The following NARS2 variants were observed in gnomAD, a reference collection of about 807,000 sequenced individuals.
The protein encoded by NARS2 is asparaginyl-tRNA synthetase.
Under a neutral mutation model 62.9 loss-of-function variants are expected in NARS2, and 60 were observed. The observed-to-expected ratio is 0.95, with a 90% CI of 0.77 to 1.18. The LOEUF (loss-of-function observed/expected upper bound fraction) is 1.18, where lower values mean the gene tolerates loss of function less well. Among genes scored for constraint, NARS2 ranks in the 50% most tolerant of loss-of-function variants. The probability of loss-of-function intolerance (pLI) is 0.00; values close to 1 mark genes in which losing one functional copy is unlikely to be tolerated. For missense variants in NARS2, 619 were observed against 576.4 expected (o/e 1.07, Z -0.76); for synonymous variants, 196 against 200.0 (o/e 0.98, Z 0.17).
At chr11:78,532,573 AAGAC>A (rs995977148) in intron 5 of NARS2, among the ~76,000 whole-genome samples, 2 of 152,230 alleles carry the variant, frequency 1.3e-5, no homozygotes, top group African/African-American at 4.8e-5. Flanking sequence ...GATTGATTGT[AAGAC>A]CTAGCTCATA....
intron 5 of NARS2, among the ~76,000 whole-genome samples, chr11:78,542,003 A>C (rs1855639595): frequency 6.6e-6 from 1 of 152,204 alleles, no homozygotes; most frequent in South Asian, 2.1e-4. Flanking sequence ...AAAAATTTCC[A>C]ATAAGTCCAG....
chr11:78,574,264 C>T, intron 1 of NARS2, 84 bp downstream of exon 1: 1 of 1,569,246 alleles, frequency 6.4e-7, no homozygotes, highest in Admixed American at 1.7e-5. Context: ...TGTGTCTGAC[C>T]CGACTGTAAA....
chr11:78,450,889 G>A lies in NARS2; in HGVS notation c.1165-7131C>T, dbSNP rs1321595358. 3.5e-5 allele frequency among the ~76,000 whole-genome samples: 5 copies of A among 143,456 alleles called. No individual in the cohort carries two copies. The East Asian group carries it at 9.2e-4, about 27-fold the overall frequency. 94.1% of individuals were successfully genotyped at this position (143,456 alleles called of 152,430 possible). On this transcript the variant is annotated intron_variant, in intron 11 of 13. Transcript: ENST00000281038. ...TAGAGATGGGGTTTCACCATGTTGGGCAGGCAGGCCTCTAACTCCTGACCT... is the reference window on the plus strand; with the variant it reads ...TAGAGATGGGGTTTCACCATGTTGGACAGGCAGGCCTCTAACTCCTGACCT...
intron 11 of NARS2, among the ~76,000 whole-genome samples, chr11:78,455,990 A>C (rs1249513191): frequency 6.6e-6 from 1 of 152,062 alleles, no homozygotes; most frequent in Non-Finnish European, 1.5e-5. Flanking sequence ...AATCTTTGTT[A>C]ATCTTTTCTT....
At chr11:78,451,421 A>T (rs1857968445) in intron 11 of NARS2, among the ~76,000 whole-genome samples, 1 of 152,236 alleles carries the variant, frequency 6.6e-6, no homozygotes, top group African/African-American at 2.4e-5. Context: ...ACACACAGGC[A>T]ATTACACAAA....
chr11:78,484,754 G>C (rs879258055), intron 7 of NARS2, among the ~76,000 whole-genome samples: 8 of 152,300 alleles, frequency 5.3e-5, no homozygotes, highest in Admixed American at 5.2e-4. Context: ...GCAAGGCTGT[G>C]GAGAAACAGG....
chr11:78,505,269 T>TACACACAC (rs10533814), intron 6 of NARS2, among the ~76,000 whole-genome samples: 41 of 133,426 alleles, frequency 3.1e-4, no homozygotes, highest in African/African-American at 7.6e-4. Context: ...GAAAACAAAA[T>TACACACAC]ACACACACAC....
At chr11:78,437,962 G>A (rs1284799582) in intron 13 of NARS2, among the ~76,000 whole-genome samples, 7 of 110,530 alleles carry the variant, frequency 6.3e-5, no homozygotes, top group African/African-American at 2.2e-4. Context: ...GTGACAGAGT[G>A]AGATTCTGTA....
At chr11:78,445,645 ATT>A (rs1326933846) in intron 11 of NARS2, among the ~76,000 whole-genome samples, 2 of 152,074 alleles carry the variant, frequency 1.3e-5, no homozygotes, top group African/African-American at 4.8e-5. Context: ...AATTAAAAAA[ATT>A]TTTTTTAAAT....
At chr11:78,458,361 T>A (rs1341071465) in intron 11 of NARS2, among the ~76,000 whole-genome samples, 1 of 152,214 alleles carries the variant, frequency 6.6e-6, no homozygotes, top group Non-Finnish European at 1.5e-5. Context: ...TATCTACTTT[T>A]CTTATATTAC....
chr11:78,487,341 G>A (rs1215339812), intron 7 of NARS2, among the ~76,000 whole-genome samples: 2 of 145,474 alleles, frequency 1.4e-5, no homozygotes, highest in East Asian at 4.0e-4. Flanking sequence ...GGGCAACAGA[G>A]TGAGGCTCTG....
chr11:78,440,145 C>T (rs1857531889), intron 13 of NARS2, among the ~76,000 whole-genome samples: 1 of 152,190 alleles, frequency 6.6e-6, no homozygotes, highest in Non-Finnish European at 1.5e-5. Flanking sequence ...CTCATTGTAA[C>T]CTCCGCCTCC....
chr11:78,436,889 C>A, intron 13 of NARS2, 75 bp from the exon 14 acceptor site: 1 of 1,452,130 alleles, frequency 6.9e-7, no homozygotes, highest in South Asian at 1.2e-5. Flanking sequence ...TTTAATGTTT[C>A]AAACGTATTT....
chr11:78,472,083 T>C (rs1475767838), intron 9 of NARS2, among the ~76,000 whole-genome samples: 1 of 152,146 alleles, frequency 6.6e-6, no homozygotes, highest in Non-Finnish European at 1.5e-5. Context: ...TGTCTAAATA[T>C]CTCCTGTTAT....
At chr11:78,520,204 A>G (rs1474618316) in intron 6 of NARS2, among the ~76,000 whole-genome samples, 1 of 152,188 alleles carries the variant, frequency 6.6e-6, no homozygotes, top group African/African-American at 2.4e-5. Context: ...ACAAATCTGA[A>G]ATCAAAGTGC....
chr11:78,436,398 T>G lies in NARS2; in HGVS notation c.*272A>C, dbSNP rs1328100956. The G allele has an allele frequency of 2.9e-6, 1 of 339,816 alleles. No individual in the cohort carries two copies. The highest frequency in any genetic ancestry group is 2.1e-5 in the African/African-American group (1 of 47,420). 21.1% of individuals were successfully genotyped at this position (339,816 alleles called of 1,614,324 possible). A position where few individuals can be genotyped will look rare whatever the true frequency, so the allele number is the denominator to read the frequency against. The stretch of plus-strand genomic sequence containing the variant: ...TAGAGTTTAAAAGAAACTTTGAGAC[T>G]AATTCAATTTCTTCATTTCTTAATT... On this transcript the variant is annotated 3_prime_UTR_variant, in exon 14 of 14. Transcript: ENST00000281038.
intron 11 of NARS2, among the ~76,000 whole-genome samples, chr11:78,459,373 C>T (rs531412774): frequency 2.0e-5 from 3 of 151,032 alleles, no homozygotes; most frequent in South Asian, 2.1e-4. Context: ...CGGGTTCAAG[C>T]GATTCTCCTG....
In NARS2 at chr11:78,566,181, A is replaced by G. The variant is rs1489345432; in HGVS notation, c.464T>C (p.Ile155Thr). The change falls in exon 4 of 14, where the codon ATA becomes ACA. Residue 155 changes from isoleucine to threonine, a missense_variant. By Grantham distance (89) the Ile-to-Thr change is moderately conservative (BLOSUM62 -1). Transcript: ENST00000281038. ...FRCRTNVLGS[I>T]LRIRSEATAA... ...TGTCGCTTCACTGCGAATCCTCAAT[A>G]TAGAACCCAGAACGTTAGTCCTACA... The G allele has an allele frequency of 6.2e-7, 1 of 1,613,252 alleles. No homozygotes were observed. The highest frequency in any genetic ancestry group is 1.3e-5 in the African/African-American group (1 of 74,916).
In NARS2 at chr11:78,493,293, T is replaced by A. The variant is rs1480211292; in HGVS notation, c.690-98A>T. ...CTCTTACGGAAAATAAAGTTTTGTG[T>A]GCCTCTGTCTTGTCCACAGACTGAC... is the stretch of plus-strand genomic sequence containing the variant. On this transcript the variant is annotated intron_variant, in intron 6 of 13. Transcript: ENST00000281038. 4.4e-6 allele frequency: 5 copies of A among 1,138,064 alleles called. No homozygotes were observed. The Admixed American group carries it at 1.1e-4, about 26-fold the overall frequency. The allele number at this position is 1,138,064 out of a possible 1,614,324, so 70.5% of individuals were successfully genotyped here.
Sources: allele counts gnomAD v4.1 joint callset (sites outside exome capture counted in the v4.1 genomes callset), GRCh38; gene constraint gnomAD v4.1.1; transcripts MANE v1.5; gene names NCBI Gene and HGNC (gene_info 2026-07-23, HGNC 2026-07-21).